The following USP10 variants were observed in gnomAD, a reference collection of about 807,000 sequenced individuals.
USP10 encodes ubiquitin specific peptidase 10, also known as ubiquitin carboxyl-terminal hydrolase 10.
A neutral mutation model predicts 84.5 loss-of-function variants in USP10; 22 were observed. That is an observed-to-expected ratio of 0.26 (90% confidence interval 0.19 to 0.37). The LOEUF (loss-of-function observed/expected upper bound fraction) is 0.37, where lower values mean the gene tolerates loss of function less well. USP10 is among the 10% of genes least tolerant of loss of function. The pLI, the probability that USP10 is intolerant of heterozygous loss-of-function variation, is 1.00. For synonymous variants in USP10, 454 were observed against 387.6 expected, an observed-to-expected ratio of 1.17 and a Z score of -2.01; for missense variants, 1,019 against 998.9, an observed-to-expected ratio of 1.02 and a Z score of -0.27.
intron 2 of USP10, among the ~76,000 whole-genome samples, chr16:84,735,237 GGT>G (rs1425456509): frequency 2.1e-5 from 3 of 141,254 alleles, no homozygotes; most frequent in Non-Finnish European, 3.1e-5. Flanking sequence ...GTGTGTGTGT[GGT>G]GTGTGTGTTT....
chr16:84,750,170 G>A (rs1470920605), intron 4 of USP10, among the ~76,000 whole-genome samples: 1 of 152,158 alleles, frequency 6.6e-6, no homozygotes. Flanking sequence ...CACTTTCGGA[G>A]GTTGAGGTGG....
At chr16:84,763,692 T>C (rs1913475637) in intron 9 of USP10, among the ~76,000 whole-genome samples, 1 of 152,224 alleles carries the variant, frequency 6.6e-6, no homozygotes, top group African/African-American at 2.4e-5. Context: ...CCTGTTGCGA[T>C]TGGTTGCCGT....
At chr16:84,740,224 T>C in intron 2 of USP10, 85 bp from the exon 3 acceptor site, 1 of 1,253,934 alleles carries the variant, frequency 8.0e-7, no homozygotes, top group Non-Finnish European at 1.1e-6. Flanking sequence ...TTAAGAGTTT[T>C]AATGAATTGT....
chr16:84,744,160 C>T (rs1033785687), intron 3 of USP10, among the ~76,000 whole-genome samples: 6 of 151,230 alleles, frequency 4.0e-5, no homozygotes, highest in African/African-American at 1.5e-4. Flanking sequence ...TTGCGTAGTT[C>T]ATGTTTTTGG....
intron 2 of USP10, among the ~76,000 whole-genome samples, chr16:84,736,266 T>C (rs1473873847): frequency 6.6e-6 from 1 of 152,378 alleles, no homozygotes; most frequent in East Asian, 1.9e-4. Context: ...TGATAAAATA[T>C]TGTTTTCTCT....
chr16:84,779,097 G>C lies in USP10; in HGVS notation c.*15G>C, dbSNP rs1210303235. The C allele has an allele frequency of 6.2e-7, 1 of 1,606,396 alleles. No individual in the cohort carries two copies. The highest frequency in any genetic ancestry group is 1.1e-5 in the South Asian group (1 of 90,708). On this transcript the variant is annotated 3_prime_UTR_variant, in exon 14 of 14. Transcript: ENST00000219473. ...ACCTGCTGTAAACCCTGTGTGCGCT[G>C]TGTGTGCGCCCAGTGCCCGCTTCGT...
intron 1 of USP10, chr16:84,704,630 A>G (rs1905250014): frequency 7.5e-7 from 1 of 1,341,214 alleles, no homozygotes; most frequent in Non-Finnish European, 9.8e-7. Flanking sequence ...GGGTATGTGT[A>G]TAGTATTTGT....
At chr16:84,705,877 G>A (rs1434904988) in intron 1 of USP10, among the ~76,000 whole-genome samples, 12 of 151,518 alleles carry the variant, frequency 7.9e-5, no homozygotes, top group African/African-American at 2.7e-4. Flanking sequence ...CTGCTACCAC[G>A]CCCAGCTAAT....
intron 2 of USP10, among the ~76,000 whole-genome samples, chr16:84,737,085 G>A (rs12933228): frequency 0.17 from 25,784 of 152,210 alleles, 2,520 homozygotes; most frequent in Middle Eastern, 0.31. Flanking sequence ...ACCACGCCCG[G>A]CCTAATTTGG....
In USP10 at chr16:84,759,872, A is replaced by G. The variant is rs1259349166; in HGVS notation, c.1395-19A>G. On this transcript the variant is annotated intron_variant, in intron 6 of 13. Transcript: ENST00000219473. ...ATTGTTTAAAACTGCACTATTTAAC[A>G]TTTTTTCCCCATGTTTAGTGTTCGG... 1.9e-6 allele frequency: 3 copies of G among 1,613,194 alleles called. No homozygotes were observed. Among genetic ancestry groups the G allele is most frequent in the Non-Finnish European group, 2.5e-6 (3 of 1,179,480 alleles).
chr16:84,736,825 C>G (rs1909989668), intron 2 of USP10, among the ~76,000 whole-genome samples: 1 of 152,146 alleles, frequency 6.6e-6, no homozygotes, highest in Non-Finnish European at 1.5e-5. Flanking sequence ...GTCTCGCTCT[C>G]TCGCCCAGGC....
chr16:84,713,869 C>T (rs867873657), intron 1 of USP10, among the ~76,000 whole-genome samples: 47 of 152,230 alleles, frequency 3.1e-4, no homozygotes, highest in African/African-American at 1.1e-3. Flanking sequence ...GAGAAGGGCG[C>T]CCAAAGCAGA....
rs77570454 is a variant in USP10, at chr16:84,735,841, A to G, written c.90+2338A>G. On this transcript the variant is annotated intron_variant, in intron 2 of 13. Coordinates refer to ENST00000219473, the MANE Select transcript of USP10 (RefSeq NM_005153.3). ...TTTATCAAAATCACAGTAACCTGCA[A>G]AAGGGAAATGCAGGCTAATTAACAT... Among the ~76,000 whole-genome samples the G allele has an allele frequency of 5.6e-3, 852 of 152,342 alleles. 6 individuals are homozygous for G. The highest frequency in any genetic ancestry group is 0.02 in the African/African-American group (814 of 41,578).
At chr16:84,777,350 C>T (rs1915127748) in intron 13 of USP10, among the ~76,000 whole-genome samples, 2 of 152,198 alleles carry the variant, frequency 1.3e-5, no homozygotes, top group South Asian at 4.1e-4. Flanking sequence ...GCAGATTCTA[C>T]TGATGGTCGC....
At chr16:84,732,870 A>G (rs1421898176) in intron 1 of USP10, among the ~76,000 whole-genome samples, 2 of 152,238 alleles carry the variant, frequency 1.3e-5, no homozygotes, top group East Asian at 3.8e-4. Flanking sequence ...CCGTGAAATC[A>G]GGCTTGCAAC....
intron 4 of USP10, among the ~76,000 whole-genome samples, chr16:84,754,795 T>C (rs1912332486): frequency 6.6e-6 from 1 of 152,158 alleles, no homozygotes; most frequent in African/African-American, 2.4e-5. Flanking sequence ...AGAGATTGAA[T>C]GGTCAAGCCT....
At chr16:84,705,271 G>A (rs569205633) in intron 1 of USP10, among the ~76,000 whole-genome samples, 17 of 149,546 alleles carry the variant, frequency 1.1e-4, no homozygotes, top group African/African-American at 3.0e-4. Context: ...TCGCTCTGTC[G>A]CCCAGGCTGG....
intron 4 of USP10, among the ~76,000 whole-genome samples, chr16:84,751,734 A>T (rs1052065027): frequency 6.6e-6 from 1 of 152,200 alleles, no homozygotes; most frequent in Non-Finnish European, 1.5e-5. Context: ...GACAGTTAGA[A>T]TGATGACAGA....
chr16:84,751,642 A>G lies in USP10; in HGVS notation c.1192+5969A>G, dbSNP rs189594827. ...CATTTTGGTCACTTTGCTGTCCTCCACCTGGTTAGATAACCAAGATAGTGT... is the reference window on the plus strand; with the variant it reads ...CATTTTGGTCACTTTGCTGTCCTCCGCCTGGTTAGATAACCAAGATAGTGT... On this transcript the variant is annotated intron_variant, in intron 4 of 13. Coordinates refer to ENST00000219473, the MANE Select transcript of USP10 (RefSeq NM_005153.3). Among the ~76,000 whole-genome samples the G allele has an allele frequency of 1.4e-4, 22 of 152,334 alleles. 1 individual carries two copies. The East Asian group carries it at 3.3e-3, about 23-fold the overall frequency.
Sources: gnomAD v4.1 joint callset for allele counts (sites outside exome capture counted in the v4.1 genomes callset) on GRCh38, gnomAD v4.1.1 for gene constraint, MANE v1.5 for transcripts, NCBI Gene and HGNC (gene_info 2026-07-23, HGNC 2026-07-21) for gene names.